RPS6KA2: variants seen among roughly 807,000 people sequenced by gnomAD.
RPS6KA2 encodes the protein ribosomal protein S6 kinase alpha-2.
A neutral mutation model predicts 91.8 loss-of-function variants in RPS6KA2; 42 were observed. That is an observed-to-expected ratio of 0.46 (90% confidence interval 0.36 to 0.59). RPS6KA2 has a LOEUF of 0.59. Among genes scored for constraint, RPS6KA2 ranks in the 20% least tolerant of loss-of-function variants. The pLI is 0.00. For synonymous variants in RPS6KA2, 414 were observed against 393.6 expected (o/e 1.05, Z -0.61); for missense variants, 798 against 978.5 (o/e 0.82, Z 2.46).
At chr6:166,652,786 C>T (rs949387035) in intron 2 of RPS6KA2, among the ~76,000 whole-genome samples, 7 of 152,316 alleles carry the variant, frequency 4.6e-5, no homozygotes, top group African/African-American at 1.7e-4. Flanking sequence ...TTTCAAGCTC[C>T]ATCTTAATCA....
At chr6:166,783,086 ATTATTATTATTATTG>A (rs1778813334) in intron 2 of RPS6KA2, among the ~76,000 whole-genome samples, 1 of 102,060 alleles carries the variant, frequency 9.8e-6, no homozygotes, top group African/African-American at 4.0e-5. Flanking sequence ...TATTATTATT[ATTATTATTATTATTG>A]TTTTTGAGAC....
intron 2 of RPS6KA2, among the ~76,000 whole-genome samples, chr6:166,715,111 AG>A (rs1276452153): frequency 6.6e-6 from 1 of 151,904 alleles, no homozygotes; most frequent in African/African-American, 2.4e-5. Context: ...AAGGCAGTGG[AG>A]GGTGGGCAGG....
At chr6:166,586,519 G>GTT in intron 1 of RPS6KA2, 3 of 1,557,774 alleles carry the variant, frequency 1.9e-6, no homozygotes, top group Non-Finnish European at 2.6e-6. Context: ...ATTGCTTAAT[G>GTT]TTTAGGTTGT....
At chr6:166,560,453 G>A in intron 1 of RPS6KA2, among the ~76,000 whole-genome samples, 1 of 152,186 alleles carries the variant, frequency 6.6e-6, no homozygotes, top group African/African-American at 2.4e-5. Context: ...GACAGTGAAT[G>A]TTCTCAAGCA....
At chr6:166,663,529 AC>A (rs1216357060) in intron 2 of RPS6KA2, among the ~76,000 whole-genome samples, 1 of 152,186 alleles carries the variant, frequency 6.6e-6, no homozygotes, top group Non-Finnish European at 1.5e-5. Flanking sequence ...AAAAATATAA[AC>A]AGGGTTATTC....
Position 166,412,749 on chromosome 6 carries a change from AG to A in RPS6KA2, c.*12del. 1 of 1,582,682 alleles carries A rather than the reference AG, an allele frequency of 6.3e-7. No individual in the cohort carries two copies. The highest frequency in any genetic ancestry group is 8.6e-7 in the Non-Finnish European group (1 of 1,165,652). On this transcript the variant is annotated 3_prime_UTR_variant, in exon 21 of 21. Transcript: ENST00000265678. This position sits in a 1 kb window ranked among gnomAD's most constrained non-coding sequence, Gnocchi z 4.3. ...GATGCTGGCAGGGGACGCTGGGGCCAGGGTCCCACCCGCTACAGCCGCGTGG... is the reference window on the plus strand; with the variant it reads ...GATGCTGGCAGGGGACGCTGGGGCCAGGTCCCACCCGCTACAGCCGCGTGG...
At chr6:166,801,776 T>C (rs1201271923) in intron 2 of RPS6KA2, among the ~76,000 whole-genome samples, 3 of 152,250 alleles carry the variant, frequency 2.0e-5, no homozygotes, top group Non-Finnish European at 4.4e-5. Flanking sequence ...ACAATGAGTA[T>C]ATTTGACTGC....
At chr6:166,619,692 G>A (rs893316305) in intron 1 of RPS6KA2, among the ~76,000 whole-genome samples, 2 of 152,228 alleles carry the variant, frequency 1.3e-5, no homozygotes, top group African/African-American at 4.8e-5. Context: ...CATCTTCTCT[G>A]CTCCTCTTGT....
chr6:166,586,427 A>G, intron 1 of RPS6KA2: 1 of 1,599,950 alleles, frequency 6.3e-7, no homozygotes, highest in Non-Finnish European at 8.5e-7. Flanking sequence ...CTGTGAATCT[A>G]CTAGCAAACA....
chr6:166,419,180 C>G lies in RPS6KA2; in HGVS notation c.1820+702G>C, dbSNP rs1778639162. Among the ~76,000 whole-genome samples the G allele has an allele frequency of 6.6e-6, 1 of 152,252 alleles. No individual in the cohort carries two copies. The highest frequency in any genetic ancestry group is 2.4e-5 in the African/African-American group (1 of 41,460). On this transcript the variant is annotated intron_variant, in intron 18 of 20. Transcript: ENST00000265678. This position sits in a 1 kb window ranked among gnomAD's most constrained non-coding sequence, Gnocchi z 5.6. ...ATTCAAGCCATTTTGCTACAGCAAACAGGATTCGATGGTCTAGGGTTCTTT... is the reference window on the plus strand; with the variant it reads ...ATTCAAGCCATTTTGCTACAGCAAAGAGGATTCGATGGTCTAGGGTTCTTT...
intron 2 of RPS6KA2, among the ~76,000 whole-genome samples, chr6:166,711,895 T>C (rs1789870868): frequency 6.6e-6 from 1 of 150,638 alleles, no homozygotes; most frequent in Admixed American, 6.6e-5. Flanking sequence ...CCAATAAAAT[T>C]GACAAATCTC....
chr6:166,777,572 A>G (rs75882746), intron 2 of RPS6KA2, among the ~76,000 whole-genome samples: 1,681 of 152,360 alleles, frequency 0.011, 29 homozygotes, highest in African/African-American at 0.035. Context: ...AACAATATTC[A>G]GGAGTATTAA....
rs181330934 is a variant in RPS6KA2 at position 166,434,814 on chromosome 6, C to T, written c.1333-2324G>A. ...TCAAGATACAAGGAGTAAAAAAGGC[C>T]GACGCGAGCAGGTGCATCCTACGCC... On this transcript the variant is annotated intron_variant, in intron 14 of 20. Transcript: ENST00000265678. The surrounding 1 kb of genome is among the most constrained non-coding windows in gnomAD (Gnocchi z 4.4). 4.6e-5 allele frequency among the ~76,000 whole-genome samples: 7 copies of T among 152,074 alleles called. No individual in the cohort carries two copies. Among genetic ancestry groups the T allele is most frequent in the African/African-American group, 1.7e-4 (7 of 41,448 alleles).
intron 1 of RPS6KA2, among the ~76,000 whole-genome samples, chr6:166,545,573 T>C (rs987362856): frequency 9.9e-5 from 15 of 152,162 alleles, no homozygotes; most frequent in African/African-American, 3.6e-4. Context: ...TCTCCTTTTT[T>C]TTCTCTTTCT....
At chr6:166,579,099 G>GT (rs765240423) in intron 1 of RPS6KA2, among the ~76,000 whole-genome samples, 2 of 152,218 alleles carry the variant, frequency 1.3e-5, no homozygotes, top group Non-Finnish European at 2.9e-5. Flanking sequence ...GAGAAGGCGT[G>GT]TCAGTCAAGA....
upstream of RPS6KA2, chr6:166,627,814 GTT>G (rs1562352147): frequency 6.6e-6 from 1 of 152,232 alleles, no homozygotes; most frequent in Non-Finnish European, 1.5e-5. Context: ...TTGTCATCAT[GTT>G]TTTCTCTGCC....
intron 2 of RPS6KA2, among the ~76,000 whole-genome samples, chr6:166,695,665 A>AGATTCTCCTAGGAGCACTG (rs1256708643): frequency 1.4e-4 from 21 of 149,426 alleles, no homozygotes; most frequent in Non-Finnish European, 1.2e-4. Flanking sequence ...CAACAGAACT[A>AGATTCTCCTAGGAGCACTG]GATTCTCCTA....
chr6:166,636,390 A>G (rs148817875), intron 2 of RPS6KA2, among the ~76,000 whole-genome samples: 2,284 of 150,990 alleles, frequency 0.015, 59 homozygotes, highest in African/African-American at 0.053. Context: ...TTGAATCAGC[A>G]CCTCCCTGCA....
intron 2 of RPS6KA2, among the ~76,000 whole-genome samples, chr6:166,656,523 C>T (rs544980222): frequency 7.9e-5 from 12 of 152,368 alleles, no homozygotes; most frequent in African/African-American, 2.9e-4. Flanking sequence ...ACAGCCATTC[C>T]CCTCCAGCAG....
Sources: gnomAD v4.1 joint callset for allele counts (sites outside exome capture counted in the v4.1 genomes callset) on GRCh38, gnomAD v4.1.1 for gene constraint, Gnocchi (gnomAD v3.1) non-coding constraint, MANE v1.5 for transcripts, NCBI Gene and HGNC (gene_info 2026-07-23, HGNC 2026-07-21) for gene names.